Variants in FAM13A observed in about 807,000 individuals in gnomAD.
FAM13A encodes the protein protein FAM13A.
FAM13A carries 76 observed loss-of-function variants against 129.6 expected under a neutral mutation model. The ratio of observed to expected loss-of-function variants is 0.59; its 90% CI spans 0.49 to 0.71. FAM13A has a LOEUF of 0.71. Ranked by LOEUF, FAM13A falls within the 30% of genes least tolerant of loss-of-function variation. The pLI is 0.00. For synonymous variants in FAM13A, 443 were observed against 449.9 expected, an observed-to-expected ratio of 0.98 and a Z score of 0.20; for missense variants, 1,108 against 1,249.3, an observed-to-expected ratio of 0.89 and a Z score of 1.70.
intron 1 of FAM13A, among the ~76,000 whole-genome samples, chr4:89,035,667 A>C (rs1769291511): frequency 1.3e-5 from 2 of 151,980 alleles, no homozygotes; most frequent in South Asian, 2.1e-4. Context: ...ATCATGGGGG[A>C]GGATTTCTCC....
intron 13 of FAM13A, among the ~76,000 whole-genome samples, chr4:88,765,461 T>A (rs1012901746): frequency 2.0e-5 from 3 of 152,130 alleles, no homozygotes; most frequent in Non-Finnish European, 4.4e-5. Context: ...GTAACCAAAG[T>A]ATAGACTTAT....
At chr4:88,976,443 C>T (rs999771521) in intron 4 of FAM13A, among the ~76,000 whole-genome samples, 13 of 152,068 alleles carry the variant, frequency 8.5e-5, no homozygotes, top group Non-Finnish European at 1.6e-4. Flanking sequence ...GTTCCAAGAA[C>T]CTGAATACAG....
At chr4:88,772,571 GACACTTCTCA>G (rs1720891187) in intron 11 of FAM13A, among the ~76,000 whole-genome samples, 1 of 152,154 alleles carries the variant, frequency 6.6e-6, no homozygotes, top group Non-Finnish European at 1.5e-5. Context: ...ACCAGGTACA[GACACTTCTCA>G]ACTTACCATG....
chr4:88,749,854 C>A lies in FAM13A; in HGVS notation c.1996G>T (p.Ala666Ser). 6.2e-7 allele frequency: 1 copy of A among 1,614,008 alleles called. No individual in the cohort carries two copies. The highest frequency in any genetic ancestry group is 8.5e-7 in the Non-Finnish European group (1 of 1,179,934). Residue 666 changes from alanine to serine, a missense_variant, in exon 16 of 24, where the codon GCC (alanine) becomes TCC (serine). Physicochemically the swap from Ala to Ser is moderately conservative, Grantham distance 99 (BLOSUM62 1). Around this residue, in one of 3 missense-constraint regions of FAM13A, gnomAD observed 529 missense variants for 621.2 expected, o/e 0.85. Transcript: ENST00000264344. ...CTCTGAATCCTTCGTGTGAGCTGGG[C>A]AGGTGTCAGGTCCTCTTGCTCATCA... ...YDDEQEDLTPAQLTRRIQSLK... is the reference protein window; with the variant it reads ...YDDEQEDLTPSQLTRRIQSLK...
Position 88,779,993 on chromosome 4 carries a change from T to G in FAM13A, c.1458+1172A>C, listed in dbSNP as rs145925850. Among the ~76,000 whole-genome samples the G allele has an allele frequency of 6.6e-5, 10 of 152,328 alleles. No homozygotes were observed. The East Asian group carries it at 1.9e-3, about 29-fold the overall frequency. ...GAGAGCTAATGAAGTTAATACCATT[T>G]ATTTTATTTAAATATTTACTTTTAA... On this transcript the variant is annotated intron_variant, in intron 11 of 23. Coordinates refer to ENST00000264344, the MANE Select transcript of FAM13A (RefSeq NM_014883.4).
chr4:88,965,922 G>C (rs1759294861), intron 4 of FAM13A, among the ~76,000 whole-genome samples: 1 of 151,130 alleles, frequency 6.6e-6, no homozygotes, highest in South Asian at 2.1e-4. Context: ...ATACTCTCTT[G>C]GTTGTATATA....
At chr4:88,865,558 T>C (rs1163601964) in intron 6 of FAM13A, among the ~76,000 whole-genome samples, 2 of 152,230 alleles carry the variant, frequency 1.3e-5, no homozygotes, top group African/African-American at 4.8e-5. Flanking sequence ...TATTGAATAG[T>C]GATGATAAAA....
intron 6 of FAM13A, among the ~76,000 whole-genome samples, chr4:88,865,612 T>A (rs1740252141): frequency 6.6e-6 from 1 of 152,154 alleles, no homozygotes; most frequent in African/African-American, 2.4e-5. Flanking sequence ...GCTCCTACAT[T>A]AGGAGCTGGC....
intron 10 of FAM13A, 60 bp from the exon 11 acceptor site, chr4:88,781,411 C>T (rs1046939301): frequency 2.5e-6 from 3 of 1,190,268 alleles, no homozygotes; most frequent in South Asian, 1.5e-5. Context: ...TTGAATGATA[C>T]TCTAACTACA....
chr4:88,905,309 G>A (rs550454264), intron 6 of FAM13A, among the ~76,000 whole-genome samples: 26 of 152,070 alleles, frequency 1.7e-4, no homozygotes, highest in Admixed American at 1.1e-3. Flanking sequence ...AATTTTTTTT[G>A]TATTTTTAGT....
intron 4 of FAM13A, among the ~76,000 whole-genome samples, chr4:88,967,575 C>G (rs371746422): frequency 1.3e-5 from 2 of 152,042 alleles, no homozygotes; most frequent in East Asian, 1.9e-4. Flanking sequence ...ATAATGTGAG[C>G]CCATTGTGGG....
chr4:88,838,044 T>G (rs968936409), intron 7 of FAM13A, among the ~76,000 whole-genome samples: 2 of 152,200 alleles, frequency 1.3e-5, no homozygotes, highest in Non-Finnish European at 1.5e-5. Context: ...TTAAATAGCA[T>G]TTACATTGTA....
At chr4:88,879,818 G>A (rs1743227469) in intron 6 of FAM13A, among the ~76,000 whole-genome samples, 1 of 152,124 alleles carries the variant, frequency 6.6e-6, no homozygotes, top group African/African-American at 2.4e-5. Flanking sequence ...GAGTCTCCCT[G>A]TTAATCTAAA....
chr4:88,844,833 T>C (rs1736383747), intron 7 of FAM13A, among the ~76,000 whole-genome samples: 2 of 152,110 alleles, frequency 1.3e-5, no homozygotes, highest in Admixed American at 1.3e-4. Flanking sequence ...AGCAGTGAGG[T>C]TGTCAAAGAG....
intron 7 of FAM13A, among the ~76,000 whole-genome samples, chr4:88,825,228 G>T (rs34877151): frequency 0.71 from 103,863 of 145,620 alleles, 37,633 homozygotes; most frequent in East Asian, 0.96. Flanking sequence ...TTTTTTTTTT[G>T]GGGGGGGGAT....
intron 3 of FAM13A, among the ~76,000 whole-genome samples, chr4:89,013,388 G>A (rs141848778): frequency 0.012 from 1,872 of 151,098 alleles, 42 homozygotes; most frequent in African/African-American, 0.042. Flanking sequence ...TCTTCTATCT[G>A]AATTATGAAA....
intron 1 of FAM13A, among the ~76,000 whole-genome samples, chr4:89,038,953 A>G (rs1022650280): frequency 6.6e-6 from 1 of 152,226 alleles, no homozygotes; most frequent in African/African-American, 2.4e-5. Context: ...GGCTATAATC[A>G]CCTTAACTTG....
intron 13 of FAM13A, among the ~76,000 whole-genome samples, chr4:88,761,913 ATG>A (rs1236231768): frequency 3.9e-5 from 6 of 152,216 alleles, no homozygotes; most frequent in South Asian, 2.1e-4. Context: ...CTCTGTCATA[ATG>A]AGTCTTACAG....
chr4:88,881,444 G>A (rs369269157), intron 6 of FAM13A, among the ~76,000 whole-genome samples: 3 of 152,098 alleles, frequency 2.0e-5, no homozygotes, highest in Admixed American at 2.0e-4. Context: ...CCACATCAAG[G>A]GAACACCCCA....
Sources: allele counts gnomAD v4.1 joint callset (sites outside exome capture counted in the v4.1 genomes callset), GRCh38; gene constraint gnomAD v4.1.1; regional missense constraint gnomAD v4.1.1; transcripts MANE v1.5; gene names NCBI Gene and HGNC (gene_info 2026-07-23, HGNC 2026-07-21).